KLHL29: variants seen among roughly 807,000 people sequenced by gnomAD.
KLHL29 encodes the protein kelch like family member 29, also known as kelch-like protein 29.
In KLHL29, 21 loss-of-function variants were observed where a neutral mutation model predicts 80.4. That is an observed-to-expected ratio of 0.26 (90% CI 0.19 to 0.38). The LOEUF is 0.38. Ranked by LOEUF, KLHL29 falls within the 10% of genes least tolerant of loss-of-function variation. The probability of loss-of-function intolerance (pLI) is 1.00; values close to 1 mark genes in which losing one functional copy is unlikely to be tolerated. For synonymous variants in KLHL29, 511 were observed against 526.8 expected (o/e 0.97, Z 0.41); for missense variants, 867 against 1,223.9 (o/e 0.71, Z 4.35).
At chr2:23,428,064 A>G (rs1663054403) in intron 1 of KLHL29, among the ~76,000 whole-genome samples, 1 of 152,244 alleles carries the variant, frequency 6.6e-6, no homozygotes, top group South Asian at 2.1e-4. Context: ...GTGTCGAAAT[A>G]TGTCACACCC....
intron 1 of KLHL29, among the ~76,000 whole-genome samples, chr2:23,473,794 C>G (rs1055304257): frequency 1.3e-5 from 2 of 152,188 alleles, no homozygotes; most frequent in African/African-American, 2.4e-5. Context: ...CCTACGCAAT[C>G]AGGATGCTCA....
At chr2:23,497,071 A>AC (rs1183165967) in intron 2 of KLHL29, among the ~76,000 whole-genome samples, 2 of 152,062 alleles carry the variant, frequency 1.3e-5, no homozygotes, top group African/African-American at 2.4e-5. Flanking sequence ...AAAAAAAAAA[A>AC]AAACTATGAG....
chr2:23,676,197 T>G (rs1381440332), intron 5 of KLHL29, among the ~76,000 whole-genome samples: 2 of 152,080 alleles, frequency 1.3e-5, no homozygotes, highest in Admixed American at 6.5e-5. Flanking sequence ...GTTTTTTTTT[T>G]TTTTGAGACA....
intron 1 of KLHL29, among the ~76,000 whole-genome samples, chr2:23,444,268 A>T (rs555483308): frequency 2.0e-5 from 3 of 152,160 alleles, no homozygotes; most frequent in Non-Finnish European, 4.4e-5. Context: ...CAGATTTAGA[A>T]CTCAAGATTT....
intron 2 of KLHL29, among the ~76,000 whole-genome samples, chr2:23,559,786 AG>A (rs1051555562): frequency 2.6e-5 from 4 of 152,112 alleles, no homozygotes; most frequent in African/African-American, 9.7e-5. Context: ...GGAGTTATCC[AG>A]AAAGAGGGGA....
At chr2:23,560,641 A>G (rs1003086111) in intron 2 of KLHL29, among the ~76,000 whole-genome samples, 2 of 152,222 alleles carry the variant, frequency 1.3e-5, no homozygotes, top group African/African-American at 4.8e-5. Flanking sequence ...ATAAACAGTG[A>G]CACCACATCC....
At chr2:23,563,266 G>A (rs146611079) in intron 3 of KLHL29, among the ~76,000 whole-genome samples, 88 of 152,348 alleles carry the variant, frequency 5.8e-4, no homozygotes, top group Admixed American at 2.7e-3. Flanking sequence ...GGCTGAGCTC[G>A]TCCTCCATCG....
chr2:23,621,965 A>G (rs1669193295), intron 3 of KLHL29, among the ~76,000 whole-genome samples: 2 of 152,182 alleles, frequency 1.3e-5, no homozygotes, highest in African/African-American at 4.8e-5. Flanking sequence ...AGAACAGGAC[A>G]CGTGAGAGAG....
chr2:23,449,056 G>A (rs190549738), intron 1 of KLHL29, among the ~76,000 whole-genome samples: 1 of 152,150 alleles, frequency 6.6e-6, no homozygotes, highest in Non-Finnish European at 1.5e-5. Context: ...ACAGGAAGTG[G>A]TGGATCCAGG....
intron 1 of KLHL29, among the ~76,000 whole-genome samples, chr2:23,433,322 A>G (rs1663236680): frequency 6.6e-6 from 1 of 152,220 alleles, no homozygotes; most frequent in Non-Finnish European, 1.5e-5. Flanking sequence ...CAAAGCTGCT[A>G]GGGCATTCCC....
chr2:23,486,707 C>T (rs1458575722), intron 2 of KLHL29, among the ~76,000 whole-genome samples: 5 of 152,178 alleles, frequency 3.3e-5, no homozygotes, highest in African/African-American at 7.2e-5. Flanking sequence ...TTGATGAGGG[C>T]GAGCACAGCT....
At chr2:23,579,003 T>TCTC (rs1308443210) in intron 3 of KLHL29, among the ~76,000 whole-genome samples, 1 of 152,248 alleles carries the variant, frequency 6.6e-6, no homozygotes, top group Non-Finnish European at 1.5e-5. Context: ...TATCTGATGT[T>TCTC]CTCAAGCCCA....
intron 13 of KLHL29, 133 bp downstream of exon 13, chr2:23,703,996 C>T: frequency 1.9e-6 from 2 of 1,062,328 alleles, no homozygotes; most frequent in Non-Finnish European, 2.6e-6. Flanking sequence ...CCCCCTCCAA[C>T]CACAGGAGTG....
Position 23,503,799 on chromosome 2 carries a change from G to T in KLHL29, c.-46+28132G>T, listed in dbSNP as rs1448301050. The stretch of plus-strand genomic sequence containing the variant: ...GACAGGAGGTCTCAGAGCACAGCAC[G>T]CCAGACCTCTAGTCCACACAGTCCT... On this transcript the variant is annotated intron_variant, in intron 2 of 13. Coordinates refer to ENST00000486442, the MANE Select transcript of KLHL29 (RefSeq NM_052920.2). This position sits in a 1 kb window ranked among gnomAD's most constrained non-coding sequence, Gnocchi z 4.0. 2.0e-5 allele frequency among the ~76,000 whole-genome samples: 3 copies of T among 152,228 alleles called. No individual in the cohort carries two copies. The highest frequency in any genetic ancestry group is 4.4e-5 in the Non-Finnish European group (3 of 68,040).
chr2:23,422,662 C>T lies in KLHL29; in HGVS notation c.-154+36882C>T, dbSNP rs577131137. Among the ~76,000 whole-genome samples, 10 of 148,660 alleles carry T rather than the reference C, an allele frequency of 6.7e-5. No homozygotes were observed. The East Asian group carries it at 2.0e-3, about 30-fold the overall frequency. Reference sequence around the variant, plus strand: ...TTGTGTATGTGCCTGTGTGTGTGTCCGTGTGTCTTTGTCTGTGTTGTGTGT... The same window carrying T: ...TTGTGTATGTGCCTGTGTGTGTGTCTGTGTGTCTTTGTCTGTGTTGTGTGT... On this transcript the variant is annotated intron_variant, in intron 1 of 13. Coordinates refer to ENST00000486442, the MANE Select transcript of KLHL29 (RefSeq NM_052920.2).
intron 5 of KLHL29, chr2:23,643,553 G>A (rs780267809): frequency 1.5e-4 from 24 of 162,168 alleles, no homozygotes; most frequent in South Asian, 5.2e-4. Flanking sequence ...GGAAGGATGC[G>A]TGCTAGACAT....
intron 5 of KLHL29, among the ~76,000 whole-genome samples, chr2:23,679,901 C>T (rs1381973753): frequency 6.6e-6 from 1 of 151,862 alleles, no homozygotes; most frequent in African/African-American, 2.4e-5. Context: ...AAGATCCAGG[C>T]GGAGGGGACG....
At chr2:23,463,027 A>G (rs775965687) in intron 1 of KLHL29, among the ~76,000 whole-genome samples, 44 of 152,068 alleles carry the variant, frequency 2.9e-4, no homozygotes, top group Non-Finnish European at 4.3e-4. Context: ...CTTATATTTC[A>G]TGAGTAATTA....
chr2:23,433,168 G>A (rs897283822), intron 1 of KLHL29, among the ~76,000 whole-genome samples: 6 of 152,212 alleles, frequency 3.9e-5, no homozygotes, highest in Non-Finnish European at 5.9e-5. Flanking sequence ...GCAAAGTCCC[G>A]CCAGCCTCTA....
Sources: allele counts gnomAD v4.1 joint callset (sites outside exome capture counted in the v4.1 genomes callset), GRCh38; gene constraint gnomAD v4.1.1; non-coding constraint Gnocchi (gnomAD v3.1); transcripts MANE v1.5; gene names NCBI Gene and HGNC (gene_info 2026-07-23, HGNC 2026-07-21).